SYTL2: variants seen among roughly 807,000 people sequenced by gnomAD.
SYTL2 encodes synaptotagmin like 2, also known as synaptotagmin-like protein 2.
A neutral mutation model predicts 198.7 loss-of-function variants in SYTL2; 165 were observed. The ratio of observed to expected loss-of-function variants is 0.83; its 90% CI spans 0.73 to 0.94. The LOEUF (loss-of-function observed/expected upper bound fraction) is 0.94, where lower values mean the gene tolerates loss of function less well. Among genes scored for constraint, SYTL2 ranks in the 40% least tolerant of loss-of-function variants. SYTL2 has a pLI of 0.00. For missense variants in SYTL2, 2,835 were observed against 2,582.8 expected, an observed-to-expected ratio of 1.10 and a Z score of -2.12; for synonymous variants, 966 against 917.7, an observed-to-expected ratio of 1.05 and a Z score of -0.95.
intron 2 of SYTL2, among the ~76,000 whole-genome samples, chr11:85,751,285 T>C (rs1022750698): frequency 6.6e-6 from 1 of 152,210 alleles, no homozygotes; most frequent in Non-Finnish European, 1.5e-5. Context: ...AATCCATATG[T>C]ATAACATCAA....
chr11:85,695,589 T>C (rs2083299945), intron 19 of SYTL2, among the ~76,000 whole-genome samples: 1 of 152,202 alleles, frequency 6.6e-6, no homozygotes, highest in Non-Finnish European at 1.5e-5. Flanking sequence ...AGATGAAAAT[T>C]CATCAGGGAA....
chr11:85,759,208 T>A (rs2092013564), intron 1 of SYTL2, among the ~76,000 whole-genome samples: 1 of 141,308 alleles, frequency 7.1e-6, no homozygotes, highest in African/African-American at 2.7e-5. Flanking sequence ...ATCACACCAC[T>A]GCACTCCAGC....
the SYTL2 span, among the ~76,000 whole-genome samples, chr11:85,848,486 G>C: frequency 6.6e-6 from 1 of 151,936 alleles, no homozygotes; most frequent in East Asian, 1.9e-4. Flanking sequence ...TTTGGTCTGA[G>C]TGAAGCTTCA....
At chr11:85,705,102 G>T (rs928838956) in intron 15 of SYTL2, 74 bp from the exon 16 acceptor site, 6 of 1,216,076 alleles carry the variant, frequency 4.9e-6, no homozygotes, top group Non-Finnish European at 7.0e-6. Context: ...GAGATGAAGA[G>T]AAATTCATCT....
intron 14 of SYTL2, 86 bp downstream of exon 14, chr11:85,709,245 T>TC (rs771032537): frequency 2.7e-4 from 371 of 1,362,942 alleles, no homozygotes; most frequent in Non-Finnish European, 2.8e-4. Flanking sequence ...CCCTCCCTCC[T>TC]CTTGATTACT....
Position 85,727,051 on chromosome 11 carries a change from C to T in SYTL2, c.2307G>A (p.Glu769=), listed in dbSNP as rs535344814. 8.5e-6 allele frequency: 13 copies of T among 1,536,338 alleles called. No homozygotes were observed. The East Asian group carries it at 2.4e-4, about 29-fold the overall frequency. The part of the protein sequence containing the change: ...ANNGSPWKKP[E]VQFQQEAGEV... ...CACCAGCTTCTTGCTGGAATTGGAC[C>T]TCAGGCTTCTTCCAAGGAGAGCCAT... The change falls in exon 8 of 20, where the codon GAG becomes GAA. Residue 769 remains glutamate (E), a synonymous_variant. Coordinates refer to ENST00000359152, the MANE Select transcript of SYTL2 (RefSeq NM_206927.4).
intron 11 of SYTL2, 23 bp downstream of exon 11, chr11:85,717,459 TG>T (rs768045076): frequency 5.6e-6 from 9 of 1,603,636 alleles, no homozygotes; most frequent in Non-Finnish European, 6.8e-6. Flanking sequence ...TTTAGTCATT[TG>T]TGAGAAAGAT....
At chr11:85,837,360 G>C in the SYTL2 span, among the ~76,000 whole-genome samples, 1 of 152,156 alleles carries the variant, frequency 6.6e-6, no homozygotes, top group Non-Finnish European at 1.5e-5. Context: ...TTCTCCACGT[G>C]AACAGAAGAA....
At chr11:85,779,977 A>C (rs761775633) in intron 1 of SYTL2, among the ~76,000 whole-genome samples, 1 of 152,206 alleles carries the variant, frequency 6.6e-6, no homozygotes, top group African/African-American at 2.4e-5. Flanking sequence ...AACCTTCTGA[A>C]GCTTCTATCT....
the SYTL2 span, among the ~76,000 whole-genome samples, chr11:85,850,789 A>C: frequency 2.6e-5 from 4 of 151,082 alleles, no homozygotes; most frequent in East Asian, 1.9e-4. Context: ...ATGTCCGACA[A>C]TGATAGACTG....
intron 1 of SYTL2, among the ~76,000 whole-genome samples, chr11:85,800,937 AC>A (rs1456548664): frequency 1.3e-5 from 2 of 152,314 alleles, no homozygotes; most frequent in East Asian, 3.9e-4. Context: ...TCCCCAAGGA[AC>A]CCAGGTAATG....
Position 85,696,284 on chromosome 11 carries a change from C to T in SYTL2, c.6473G>A (p.Arg2158Lys). The T allele has an allele frequency of 6.2e-7, 1 of 1,614,096 alleles. No individual in the cohort carries two copies. Among genetic ancestry groups the T allele is most frequent in the Non-Finnish European group, 8.5e-7 (1 of 1,179,972 alleles). The change falls in exon 19 of 20, where the codon AGG becomes AAG. Residue 2158 changes from arginine (R) to lysine (K), a missense_variant. Arg to Lys is a conservative substitution (Grantham distance 26, BLOSUM62 2). Around this residue, in one of 3 missense-constraint regions of SYTL2, gnomAD observed 185 missense variants for 182.1 expected, o/e 1.02. Coordinates refer to ENST00000359152, the MANE Select transcript of SYTL2 (RefSeq NM_206927.4). ...ACAGGCTTCCATCAGATCTTCAGGC[C>T]TGAACCCATCATACACCATAGTGTG... ...FNHTMVYDGF[R>K]PEDLMEACVE...
In SYTL2 at chr11:85,758,027, C is replaced by T. The variant is rs1285887170; in HGVS notation, c.-302G>A. The T allele has an allele frequency of 3.1e-6, 1 of 323,168 alleles. No individual in the cohort carries two copies. Among genetic ancestry groups the T allele is most frequent in the Non-Finnish European group, 6.0e-6 (1 of 166,466 alleles). 20.0% of individuals were successfully genotyped at this position (323,168 alleles called of 1,614,324 possible). A position where few individuals can be genotyped will look rare whatever the true frequency, so the allele number is the denominator to read the frequency against. Reference sequence around the variant, plus strand: ...CCTATGGTGGCTTCCAGCACACTCACTCTCTGGTCCAGTCTTAGACACAGT... The same window carrying T: ...CCTATGGTGGCTTCCAGCACACTCATTCTCTGGTCCAGTCTTAGACACAGT... On this transcript the variant is annotated 5_prime_UTR_variant, in exon 2 of 20. In the 5' UTR this introduces an upstream ATG that the reference lacks. Coordinates refer to ENST00000359152, the MANE Select transcript of SYTL2 (RefSeq NM_206927.4).
chr11:85,829,319 T>C, the SYTL2 span, among the ~76,000 whole-genome samples: 5 of 152,272 alleles, frequency 3.3e-5, no homozygotes, highest in Admixed American at 6.5e-5. Flanking sequence ...TTATAAGTGA[T>C]AGCATGCAGT....
At chr11:85,742,925 C>G (rs1252278532) in intron 4 of SYTL2, among the ~76,000 whole-genome samples, 1 of 152,174 alleles carries the variant, frequency 6.6e-6, no homozygotes, top group Non-Finnish European at 1.5e-5. Flanking sequence ...TCCTTGTACT[C>G]CAGGTGCAAA....
chr11:85,719,250 C>T lies in SYTL2; in HGVS notation c.5429-407G>A, dbSNP rs1243220249. On this transcript the variant is annotated intron_variant, in intron 9 of 19. Coordinates refer to ENST00000359152, the MANE Select transcript of SYTL2 (RefSeq NM_206927.4). ...ATATTTGTGTGTGTGCATCATCATT[C>T]ACATATGCCTCTGGGAGGCTTGCTT... The T allele has an allele frequency of 6.7e-6, 8 of 1,186,102 alleles. No homozygotes were observed. The East Asian group carries it at 4.6e-4, about 69-fold the overall frequency. 73.5% of individuals were successfully genotyped at this position (1,186,102 alleles called of 1,614,324 possible). A position where few individuals can be genotyped will look rare whatever the true frequency, so the allele number is the denominator to read the frequency against.
rs1360736517 is a variant in SYTL2, at chr11:85,727,427, C to G, written c.1931G>C (p.Ser644Thr). 1 of 1,536,264 alleles carries G rather than the reference C, an allele frequency of 6.5e-7. No homozygotes were observed. Among genetic ancestry groups the G allele is most frequent in the East Asian group, 2.4e-5 (1 of 40,918 alleles). Residue 644 changes from serine (S) to threonine (T), a missense_variant, in exon 8 of 20, where the codon AGT (serine) becomes ACT (threonine). By Grantham distance (58) the Ser-to-Thr change is moderately conservative (BLOSUM62 1). Coordinates refer to ENST00000359152, the MANE Select transcript of SYTL2 (RefSeq NM_206927.4). ...FESYGTPSQG[S>T]KNMDYSQDSK... Reference sequence around the variant, plus strand: ...ATCTTGGCTATAGTCCATATTTTTACTCCCTTGACTTGGGGTGCCATAGCT... The same window carrying G: ...ATCTTGGCTATAGTCCATATTTTTAGTCCCTTGACTTGGGGTGCCATAGCT...
At chr11:85,843,798 C>T in the SYTL2 span, among the ~76,000 whole-genome samples, 1 of 152,032 alleles carries the variant, frequency 6.6e-6, no homozygotes, top group African/African-American at 2.4e-5. Context: ...TCAGAACAGC[C>T]CTGAGAAGTA....
intron 1 of SYTL2, among the ~76,000 whole-genome samples, chr11:85,787,278 G>A (rs1284149060): frequency 6.6e-6 from 1 of 152,152 alleles, no homozygotes; most frequent in Non-Finnish European, 1.5e-5. Flanking sequence ...GAGACATGGT[G>A]TTCATAAAAG....
Sources: gnomAD v4.1 joint callset for allele counts (sites outside exome capture counted in the v4.1 genomes callset) on GRCh38, gnomAD v4.1.1 for gene constraint, gnomAD v4.1.1 regional missense constraint, MANE v1.5 for transcripts, NCBI Gene and HGNC (gene_info 2026-07-23, HGNC 2026-07-21) for gene names.